PI4KA: variants seen among roughly 807,000 people sequenced by gnomAD.
The protein encoded by PI4KA is phosphatidylinositol 4-kinase alpha.
PI4KA carries 122 observed loss-of-function variants against 271.4 expected under a neutral mutation model. The observed-to-expected ratio is 0.45, with a 90% confidence interval of 0.39 to 0.52. The LOEUF is 0.52. PI4KA is among the 20% of genes least tolerant of loss of function. The pLI, the probability that PI4KA is intolerant of heterozygous loss-of-function variation, is 0.00. For synonymous variants in PI4KA, 1,041 were observed against 1,078.8 expected, an observed-to-expected ratio of 0.96 and a Z score of 0.69; for missense variants, 1,969 against 2,769.1, an observed-to-expected ratio of 0.71 and a Z score of 6.48.
chr22:20,734,542 C>A lies in PI4KA; in HGVS notation c.3753G>T (p.Glu1251Asp), dbSNP rs1193713647. 1.2e-6 allele frequency: 2 copies of A among 1,613,878 alleles called. No individual in the cohort carries two copies. Among genetic ancestry groups the A allele is most frequent in the Non-Finnish European group, 1.7e-6 (2 of 1,179,876 alleles). ...KDGVEVPFMR[E>D]MAGAWHMTVE... ...CCGTCATGTGCCAGGCCCCTGCCAT[C>A]TCCCGCATGAACTACAGGTACAGAA... is the stretch of plus-strand genomic sequence containing the variant. The change falls in exon 33 of 55, where the codon GAG (glutamate) becomes GAT (aspartate). Residue 1251 changes from glutamate to aspartate, a missense_variant. This residue lies in a region of PI4KA where 203 missense variants were observed against 256.8 expected (regional missense o/e 0.79). Coordinates refer to ENST00000255882, the MANE Select transcript of PI4KA (RefSeq NM_058004.4).
Position 20,803,248 on chromosome 22 carries a change from C to A in PI4KA, c.1534G>T (p.Val512Phe). The A allele has an allele frequency of 6.2e-7, 1 of 1,614,092 alleles. No individual in the cohort carries two copies. The highest frequency in any genetic ancestry group is 8.5e-7 in the Non-Finnish European group (1 of 1,179,982). Residue 512 changes from valine to phenylalanine, a missense_variant, in exon 13 of 55, where the codon GTC becomes TTC. By Grantham distance (50) the Val-to-Phe change is conservative. This residue lies in a region of PI4KA where 228 missense variants were observed against 261.6 expected (regional missense o/e 0.87). Transcript: ENST00000255882. ...TTCACCAGAACTGGGGACGGGATGA[C>A]CAGGAAGTCTCGCAAGGACGGTGTC... ...SVTPSLRDFL[V>F]IPSPVLVKLY...
chr22:20,781,701 G>C (rs928598912), intron 19 of PI4KA, among the ~76,000 whole-genome samples: 2 of 152,196 alleles, frequency 1.3e-5, no homozygotes, highest in Non-Finnish European at 2.9e-5. Context: ...ACAGGCTTGC[G>C]GCAGACACAC....
At chr22:20,793,002 A>T (rs2147555255) in intron 19 of PI4KA, among the ~76,000 whole-genome samples, 191 bp downstream of exon 19, 1 of 152,282 alleles carries the variant, frequency 6.6e-6, no homozygotes. Flanking sequence ...AAGGGAGTGA[A>T]GGATGTGCCA....
chr22:20,708,150 G>A (rs1194994757), intron 54 of PI4KA, 52 bp from the exon 55 acceptor site: 4 of 1,483,356 alleles, frequency 2.7e-6, no homozygotes, highest in Non-Finnish European at 3.8e-6. Context: ...GCAGGGTCTG[G>A]GGTCCCTCCC....
chr22:20,824,347 C>T lies in PI4KA; in HGVS notation c.435G>A (p.Arg145=), dbSNP rs1923100122. The T allele has an allele frequency of 5.0e-6, 8 of 1,612,526 alleles. No homozygotes were observed. The highest frequency in any genetic ancestry group is 3.4e-6 in the Non-Finnish European group (4 of 1,178,776). Reference sequence around the variant, plus strand: ...TTACCTCATCCCTAAGTGAAGGATCCCTATAGGCCACATCAGACAGCAGAG... The same window carrying T: ...TTACCTCATCCCTAAGTGAAGGATCTCTATAGGCCACATCAGACAGCAGAG... ...LVTLLSDVAY[R]DPSLRDEILE... is the part of the protein sequence containing the mutation. The change falls in exon 4 of 55, where the codon AGG becomes AGA. Residue 145 remains arginine, a synonymous_variant. Coordinates refer to ENST00000255882, the MANE Select transcript of PI4KA (RefSeq NM_058004.4).
intron 19 of PI4KA, among the ~76,000 whole-genome samples, chr22:20,791,620 T>A (rs1934650679): frequency 6.6e-6 from 1 of 151,798 alleles, no homozygotes; most frequent in Admixed American, 6.6e-5. Flanking sequence ...TAGCTGAGAA[T>A]GGTGATGTGC....
chr22:20,811,941 A>G (rs1488577972), intron 8 of PI4KA, among the ~76,000 whole-genome samples: 9 of 141,094 alleles, frequency 6.4e-5, no homozygotes, highest in African/African-American at 2.1e-4. Flanking sequence ...TGAACCTGGG[A>G]GGCGGAGCTT....
Position 20,799,260 on chromosome 22 carries a change from G to T in PI4KA, c.1837C>A (p.Pro613Thr). ...CCCAAGGCTCGGATTGTGTGGTCGG[G>T]AATCAAGTGAGCGTCCCTACAGAAG... Reference protein sequence around the residue: ...QESDKDAHLIPDHTIRALGHI... With the variant: ...QESDKDAHLITDHTIRALGHI... Residue 613 changes from proline to threonine, a missense_variant, in exon 16 of 55, where the codon CCC (proline) becomes ACC (threonine). Transcript: ENST00000255882. 2 of 1,525,630 alleles carry T rather than the reference G, an allele frequency of 1.3e-6. No individual in the cohort carries two copies. The highest frequency in any genetic ancestry group is 2.6e-5 in the South Asian group (2 of 75,894). 94.5% of individuals were successfully genotyped at this position (1,525,630 alleles called of 1,614,324 possible).
intron 36 of PI4KA, among the ~76,000 whole-genome samples, chr22:20,730,585 T>G (rs1927914157): frequency 6.7e-6 from 1 of 149,972 alleles, no homozygotes; most frequent in African/African-American, 2.5e-5. Context: ...TATGTTTTAT[T>G]TTTGAGAAGG....
At chr22:20,808,461 C>T (rs1229480861) in intron 9 of PI4KA, among the ~76,000 whole-genome samples, 1 of 145,766 alleles carries the variant, frequency 6.9e-6, no homozygotes, top group African/African-American at 2.6e-5. Context: ...GGCGTGGTGG[C>T]GTGCACCTGT....
chr22:20,791,165 T>C (rs1225884134), intron 19 of PI4KA, among the ~76,000 whole-genome samples: 1 of 152,158 alleles, frequency 6.6e-6, no homozygotes, highest in Non-Finnish European at 1.5e-5. Context: ...ATGCATATAT[T>C]AAGCTCTAAA....
At chr22:20,751,820 C>T (rs898002825) in intron 25 of PI4KA, 65 bp from the exon 26 acceptor site, 3 of 1,422,886 alleles carry the variant, frequency 2.1e-6, no homozygotes, top group African/African-American at 2.8e-5. Flanking sequence ...CTTCTAGGAG[C>T]CCCCTCAGCT....
chr22:20,801,360 C>A (rs972629196), intron 14 of PI4KA, among the ~76,000 whole-genome samples: 2 of 148,588 alleles, frequency 1.3e-5, no homozygotes, highest in African/African-American at 2.5e-5. Flanking sequence ...CTGAGGCAGG[C>A]GGATCACGAG....
chr22:20,812,992 G>C (rs1364179755), intron 8 of PI4KA, among the ~76,000 whole-genome samples: 1 of 152,100 alleles, frequency 6.6e-6, no homozygotes, highest in Non-Finnish European at 1.5e-5. Flanking sequence ...AACCCAAATA[G>C]AGCCACCCCT....
chr22:20,792,444 A>G (rs1934704696), intron 19 of PI4KA, among the ~76,000 whole-genome samples: 1 of 152,178 alleles, frequency 6.6e-6, no homozygotes, highest in African/African-American at 2.4e-5. Context: ...GGACACATGC[A>G]AGTGCTCAAG....
chr22:20,753,754 T>C (rs1018059307), intron 23 of PI4KA, among the ~76,000 whole-genome samples: 1 of 151,790 alleles, frequency 6.6e-6, no homozygotes, highest in African/African-American at 2.4e-5. Flanking sequence ...TGGCGCGATC[T>C]TGGCTCACTG....
chr22:20,751,263 C>T lies in PI4KA; in HGVS notation c.3153+30G>A, dbSNP rs1267499563. On this transcript the variant is annotated intron_variant, in intron 27 of 54. Coordinates refer to ENST00000255882, the MANE Select transcript of PI4KA (RefSeq NM_058004.4). Reference sequence around the variant, plus strand: ...CTCAGGGAATTGTGGTAAAGATGGCCCTTAGTGCAGGGGATCGTGTCGGGC... The same window carrying T: ...CTCAGGGAATTGTGGTAAAGATGGCTCTTAGTGCAGGGGATCGTGTCGGGC... The T allele has an allele frequency of 3.8e-6, 6 of 1,563,362 alleles. No individual in the cohort carries two copies. The African/African-American group carries it at 8.1e-5, about 21-fold the overall frequency.
chr22:20,857,093 C>T (rs1927690833), intron 1 of PI4KA, among the ~76,000 whole-genome samples: 1 of 152,220 alleles, frequency 6.6e-6, no homozygotes, highest in Non-Finnish European at 1.5e-5. Context: ...TAACAGTGCT[C>T]ATACATTAGG....
At chr22:20,830,137 G>C (rs866012757) in intron 3 of PI4KA, among the ~76,000 whole-genome samples, 2 of 152,204 alleles carry the variant, frequency 1.3e-5, no homozygotes, top group Admixed American at 6.5e-5. Flanking sequence ...GTGTTCTGTA[G>C]ATATCTATTA....
Sources: gnomAD v4.1 joint callset for allele counts (sites outside exome capture counted in the v4.1 genomes callset) on GRCh38, gnomAD v4.1.1 for gene constraint, gnomAD v4.1.1 regional missense constraint, MANE v1.5 for transcripts, NCBI Gene and HGNC (gene_info 2026-07-23, HGNC 2026-07-21) for gene names.